Variants in BIN1 observed in about 807,000 individuals in gnomAD.
BIN1 encodes myc box-dependent-interacting protein 1.
Under a neutral mutation model 82.0 loss-of-function variants are expected in BIN1, and 53 were observed. That is an observed-to-expected ratio of 0.65 (90% CI 0.52 to 0.81). BIN1 has a LOEUF of 0.81. BIN1 is among the 40% of genes least tolerant of loss of function. The pLI is 0.00. For synonymous variants in BIN1, 302 were observed against 328.0 expected, an observed-to-expected ratio of 0.92 and a Z score of 0.86; for missense variants, 642 against 784.4, an observed-to-expected ratio of 0.82 and a Z score of 2.17.
chr2:127,062,245 C>T (rs779610642), intron 9 of BIN1, 48 bp from the exon 10 acceptor site: 61 of 1,542,122 alleles, frequency 4.0e-5, no homozygotes, highest in South Asian at 2.6e-4. Flanking sequence ...GGCCACCAAA[C>T]GGCCCCACCT....
At chr2:127,094,914 G>A (rs1302675975) in intron 1 of BIN1, among the ~76,000 whole-genome samples, 1 of 152,162 alleles carries the variant, frequency 6.6e-6, no homozygotes, top group Non-Finnish European at 1.5e-5. Context: ...TGGGGAGGTT[G>A]ACCCCCTCAA....
intron 14 of BIN1, chr2:127,052,652 C>T: frequency 2.1e-6 from 1 of 465,350 alleles, no homozygotes. Context: ...CTGGCTTCCT[C>T]CAGAGGGAAA....
chr2:127,082,304 G>A lies in BIN1; in HGVS notation c.85-5598C>T, dbSNP rs544179302. Among the ~76,000 whole-genome samples, 11 of 152,296 alleles carry A rather than the reference G, an allele frequency of 7.2e-5. No homozygotes were observed. Among genetic ancestry groups the A allele is most frequent in the South Asian group, 6.2e-4 (3 of 4,816 alleles). On this transcript the variant is annotated intron_variant, in intron 1 of 18. Coordinates refer to ENST00000316724, the MANE Select transcript of BIN1 (RefSeq NM_139343.3). The surrounding 1 kb of genome is among the most constrained non-coding windows in gnomAD (Gnocchi z 6.1). ...TGGATGATGACACAGGGCTGGCCTC[G>A]GGGATCTTTCCGCCCTCATGCTCCA...
At chr2:127,066,981 G>A (rs989903336) in intron 7 of BIN1, among the ~76,000 whole-genome samples, 2 of 151,820 alleles carry the variant, frequency 1.3e-5, no homozygotes, top group Non-Finnish European at 2.9e-5. Flanking sequence ...TGAGGCAGAA[G>A]GATTGCTTGA....
intron 12 of BIN1, chr2:127,054,995 G>A (rs1683455607): frequency 6.6e-6 from 1 of 152,314 alleles, no homozygotes; most frequent in Admixed American, 6.5e-5. Context: ...TCTTGTACCT[G>A]GGGCTTCCCT....
chr2:127,099,599 C>T (rs191771796), intron 1 of BIN1, among the ~76,000 whole-genome samples: 362 of 152,288 alleles, frequency 2.4e-3, no homozygotes, highest in Middle Eastern at 6.8e-3. Flanking sequence ...CTGCAACCGC[C>T]GCCTCCCGGG....
chr2:127,064,390 C>T (rs2105012107), intron 7 of BIN1, among the ~76,000 whole-genome samples: 1 of 152,316 alleles, frequency 6.6e-6, no homozygotes, highest in Non-Finnish European at 1.5e-5. Context: ...CTGCCCACTT[C>T]CACAATGAAC....
In BIN1 at chr2:127,048,365, C is replaced by T. The variant is rs1040080801; in HGVS notation, c.*161G>A. ...TGCCGGGACGCGGCTCTTTGGAAAA[C>T]GACCTAATCTTTGGGAGAACGCCCC... On this transcript the variant is annotated 3_prime_UTR_variant, in exon 19 of 19. Transcript: ENST00000316724. 4.4e-5 allele frequency: 30 copies of T among 679,184 alleles called. No homozygotes were observed. Among genetic ancestry groups the T allele is most frequent in the African/African-American group, 1.6e-4 (9 of 55,352 alleles). The allele number at this position is 679,184 out of a possible 1,614,324, so 42.1% of individuals were successfully genotyped here. A position where few individuals can be genotyped will look rare whatever the true frequency, so the allele number is the denominator to read the frequency against.
At chr2:127,054,915 G>A (rs1683443852) in intron 12 of BIN1, 1 of 152,274 alleles carries the variant, frequency 6.6e-6, no homozygotes, top group South Asian at 2.1e-4. Context: ...GGTGAGCCCT[G>A]GGGCAGCATC....
intron 18 of BIN1, 70 bp from the exon 19 acceptor site, chr2:127,048,703 T>C: frequency 6.8e-7 from 1 of 1,462,784 alleles, no homozygotes. Context: ...CGCATCCCAC[T>C]CCAACCTGCT....
At chr2:127,065,686 T>A (rs1685073127) in intron 7 of BIN1, among the ~76,000 whole-genome samples, 1 of 152,110 alleles carries the variant, frequency 6.6e-6, no homozygotes, top group Non-Finnish European at 1.5e-5. Flanking sequence ...ACTCCCCAGA[T>A]GGCAACGGTG....
chr2:127,099,071 C>G lies in BIN1; in HGVS notation c.84+7789G>C, dbSNP rs755256611. Among the ~76,000 whole-genome samples the G allele has an allele frequency of 3.5e-4, 53 of 152,212 alleles. 1 individual carries two copies. Among genetic ancestry groups the G allele is most frequent in the Non-Finnish European group, 7.3e-5 (5 of 68,038 alleles). ...CTGCACCCACTAGCCTAGCCCCAAC[C>G]TAAATCCTGCAGACACAGCATCCCT... On this transcript the variant is annotated intron_variant, in intron 1 of 18. Transcript: ENST00000316724.
chr2:127,091,735 ATTTT>A (rs397724958), intron 1 of BIN1, among the ~76,000 whole-genome samples: 19 of 129,358 alleles, frequency 1.5e-4, no homozygotes, highest in African/African-American at 5.5e-4. Context: ...CAAAAAAAAA[ATTTT>A]TTTTTTAATT....
Position 127,074,271 on chromosome 2 carries a change from T to C in BIN1, c.165+2355A>G, listed in dbSNP as rs571435891. Among the ~76,000 whole-genome samples the C allele has an allele frequency of 7.9e-5, 12 of 152,138 alleles. No individual in the cohort carries two copies. In the East Asian group the frequency reaches 1.7e-3, roughly 22 times the overall value. On this transcript the variant is annotated intron_variant, in intron 2 of 18. Transcript: ENST00000316724. Reference sequence around the variant, plus strand: ...ACAACAGTGACCTTCACCCCATTCCTTCCTGGTCCCCACACCCTGCCATCC... The same window carrying C: ...ACAACAGTGACCTTCACCCCATTCCCTCCTGGTCCCCACACCCTGCCATCC...
chr2:127,070,653 G>A lies in BIN1; in HGVS notation c.221-6C>T, dbSNP rs1247661328. On this transcript the variant is annotated splice_polypyrimidine_tract_variant and splice_region_variant and intron_variant, in intron 3 of 18. Transcript: ENST00000316724. Reference sequence around the variant, plus strand: ...CTTGGAAGCCTCGTGCATGGCTGTGGGGCAGAAAGGAAGTATGTGGGCCTC... The same window carrying A: ...CTTGGAAGCCTCGTGCATGGCTGTGAGGCAGAAAGGAAGTATGTGGGCCTC... 3.7e-6 allele frequency: 6 copies of A among 1,614,024 alleles called. No homozygotes were observed. The highest frequency in any genetic ancestry group is 5.1e-6 in the Non-Finnish European group (6 of 1,180,002).
chr2:127,105,183 G>A (rs1294722521), intron 1 of BIN1, among the ~76,000 whole-genome samples: 3 of 152,186 alleles, frequency 2.0e-5, no homozygotes, highest in African/African-American at 7.2e-5. Context: ...AAGACAACCA[G>A]GGCAAAGGAG....
chr2:127,066,686 G>A (rs911034071), intron 7 of BIN1, among the ~76,000 whole-genome samples: 2 of 152,138 alleles, frequency 1.3e-5, no homozygotes, highest in Admixed American at 6.5e-5. Flanking sequence ...TTCCCCATGG[G>A]CACCCTGACC....
rs866616447 is a variant in BIN1 at position 127,090,971 on chromosome 2, C to G, written c.85-14265G>C. On this transcript the variant is annotated intron_variant, in intron 1 of 18. Transcript: ENST00000316724. This position sits in a 1 kb window ranked among gnomAD's most constrained non-coding sequence, Gnocchi z 6.4. The stretch of plus-strand genomic sequence containing the variant: ...TTCTGGATGCCTTCAGGTTCTTACA[C>G]GTCTGTTCCTGTCTGAGAAGCTCAA... Among the ~76,000 whole-genome samples the G allele has an allele frequency of 1.3e-5, 2 of 152,210 alleles. No homozygotes were observed. The highest frequency in any genetic ancestry group is 4.8e-5 in the African/African-American group (2 of 41,444).
intron 9 of BIN1, 90 bp from the exon 10 acceptor site, chr2:127,062,287 C>A: frequency 7.9e-7 from 1 of 1,263,548 alleles, no homozygotes; most frequent in Admixed American, 2.0e-5. Flanking sequence ...CCCCACCACC[C>A]CCAGCCCCTG....
Sources: gnomAD v4.1 joint callset for allele counts (sites outside exome capture counted in the v4.1 genomes callset) on GRCh38, gnomAD v4.1.1 for gene constraint, Gnocchi (gnomAD v3.1) non-coding constraint, MANE v1.5 for transcripts, NCBI Gene and HGNC (gene_info 2026-07-23, HGNC 2026-07-21) for gene names.